CCDC178: variants seen among roughly 807,000 people sequenced by gnomAD.
The protein encoded by CCDC178 is coiled-coil domain-containing protein 178.
CCDC178 carries 126 observed loss-of-function variants against 117.4 expected under a neutral mutation model. That is an observed-to-expected ratio of 1.07 (90% CI 0.93 to 1.24). The LOEUF (loss-of-function observed/expected upper bound fraction) is 1.24. Ranked by LOEUF, CCDC178 falls within the 50% of genes most tolerant of loss-of-function variation. The pLI, the probability that CCDC178 is intolerant of heterozygous loss-of-function variation, is 0.00. For synonymous variants in CCDC178, 283 were observed against 313.4 expected (o/e 0.90, Z 1.02); for missense variants, 1,030 against 986.9 (o/e 1.04, Z -0.59).
rs7227335 is a variant in CCDC178, at chr18:33,258,505, T to C, written c.1409+8411A>G. Among the ~76,000 whole-genome samples, 739 of 152,298 alleles carry C rather than the reference T, an allele frequency of 4.9e-3. 5 individuals are homozygous for C. Among genetic ancestry groups the C allele is most frequent in the African/African-American group, 0.017 (707 of 41,572 alleles). On this transcript the variant is annotated intron_variant, in intron 14 of 22. Transcript: ENST00000383096. ...GAGTCCTCAACCCTGCCCTGGCCTG[T>C]CATTCTCTACCACATTATTCAGTTT...
chr18:33,097,638 C>T lies in CCDC178; in HGVS notation c.2239-4728G>A, dbSNP rs117045207. On this transcript the variant is annotated intron_variant, in intron 20 of 22. Coordinates refer to ENST00000383096, the MANE Select transcript of CCDC178 (RefSeq NM_001105528.4). ...CCTTAACCGTCCAATATATTCCCTT[C>T]GCAAACATGAGCCAGCACTTTTAAA... Among the ~76,000 whole-genome samples, 1,261 of 152,196 alleles carry T rather than the reference C, an allele frequency of 8.3e-3. 9 individuals carry two copies. The highest frequency in any genetic ancestry group is 0.011 in the Non-Finnish European group (740 of 67,998).
chr18:32,972,418 G>T (rs2054946680), intron 22 of CCDC178, among the ~76,000 whole-genome samples: 1 of 152,074 alleles, frequency 6.6e-6, no homozygotes, highest in African/African-American at 2.4e-5. Context: ...TTTGGTTATT[G>T]TAGCCTTGTA....
At chr18:33,006,141 G>A (rs1370164047) in intron 21 of CCDC178, among the ~76,000 whole-genome samples, 1 of 151,966 alleles carries the variant, frequency 6.6e-6, no homozygotes, top group South Asian at 2.1e-4. Flanking sequence ...GAATAAAATT[G>A]TTGACTCATT....
intron 21 of CCDC178, among the ~76,000 whole-genome samples, chr18:32,977,107 T>C (rs924727311): frequency 6.6e-6 from 1 of 152,164 alleles, no homozygotes; most frequent in African/African-American, 2.4e-5. Context: ...CATAGGTTGA[T>C]TGTATTCACA....
intron 21 of CCDC178, among the ~76,000 whole-genome samples, chr18:32,983,577 G>C (rs938564691): frequency 1.5e-4 from 23 of 152,010 alleles, no homozygotes; most frequent in African/African-American, 5.6e-4. Context: ...ATACGATAAA[G>C]GCCATCTGGA....
intron 11 of CCDC178, among the ~76,000 whole-genome samples, chr18:33,311,284 A>G (rs2062338520): frequency 6.6e-6 from 1 of 152,246 alleles, no homozygotes; most frequent in South Asian, 2.1e-4. Flanking sequence ...CTCAGAGCAC[A>G]TCAGACATTA....
At chr18:33,079,453 T>C (rs937553705) in intron 21 of CCDC178, among the ~76,000 whole-genome samples, 2 of 152,184 alleles carry the variant, frequency 1.3e-5, no homozygotes, top group Admixed American at 1.3e-4. Context: ...AAACAGCTTA[T>C]GCACAGCAAA....
chr18:33,434,834 CTAGATG>C (rs3048387), intron 2 of CCDC178, among the ~76,000 whole-genome samples: 18,890 of 152,014 alleles, frequency 0.12, 1,241 homozygotes, highest in East Asian at 0.19. Flanking sequence ...ACTTCAGAAT[CTAGATG>C]TAGGAGAAGG....
chr18:33,365,422 C>A lies in CCDC178; in HGVS notation c.348+4628G>T, dbSNP rs142274010. On this transcript the variant is annotated intron_variant, in intron 6 of 22. Transcript: ENST00000383096. Reference sequence around the variant, plus strand: ...TGCTTAGAGCTCGGATACACCTGGTCTGGATGCTGGCTCTGCCACTGACAT... The same window carrying A: ...TGCTTAGAGCTCGGATACACCTGGTATGGATGCTGGCTCTGCCACTGACAT... 2.9e-3 allele frequency among the ~76,000 whole-genome samples: 439 copies of A among 152,148 alleles called. 3 individuals carry two copies. The highest frequency in any genetic ancestry group is 0.01 in the African/African-American group (421 of 41,544).
chr18:33,273,441 TAAGATGAC>T (rs2059911451), intron 12 of CCDC178, among the ~76,000 whole-genome samples: 2 of 151,610 alleles, frequency 1.3e-5, no homozygotes, highest in South Asian at 4.1e-4. Flanking sequence ...TTAATATTAT[TAAGATGAC>T]AATGCTCTCC....
intron 21 of CCDC178, among the ~76,000 whole-genome samples, chr18:33,047,303 G>GT (rs2056662073): frequency 6.6e-6 from 1 of 152,128 alleles, no homozygotes. Flanking sequence ...AGTTGTTCTG[G>GT]TTTAAGTTCA....
At chr18:33,021,813 A>T (rs1349968802) in intron 21 of CCDC178, among the ~76,000 whole-genome samples, 1 of 152,146 alleles carries the variant, frequency 6.6e-6, no homozygotes, top group Non-Finnish European at 1.5e-5. Context: ...TTACAGTGCT[A>T]AATGCCACTG....
At chr18:32,965,610 C>T (rs547991684) in intron 22 of CCDC178, among the ~76,000 whole-genome samples, 78 of 151,840 alleles carry the variant, frequency 5.1e-4, no homozygotes, top group East Asian at 7.8e-4. Context: ...CCTTAGAACA[C>T]GCTTCTTGGT....
At chr18:33,421,790 CAG>C (rs1441596938) in intron 2 of CCDC178, among the ~76,000 whole-genome samples, 1 of 152,084 alleles carries the variant, frequency 6.6e-6, no homozygotes, top group Non-Finnish European at 1.5e-5. Context: ...GTTCTAGAAA[CAG>C]GGATATGAGA....
chr18:33,083,674 C>T (rs2057333035), intron 21 of CCDC178, among the ~76,000 whole-genome samples: 2 of 152,184 alleles, frequency 1.3e-5, no homozygotes, highest in African/African-American at 4.8e-5. Flanking sequence ...CCTGATTCTA[C>T]TAGAGAAGTT....
chr18:33,031,673 C>T (rs1286270288), intron 21 of CCDC178, among the ~76,000 whole-genome samples: 1 of 151,880 alleles, frequency 6.6e-6, no homozygotes, highest in Non-Finnish European at 1.5e-5. Context: ...GTTTTGTTTC[C>T]ATCCTCTTTC....
intron 3 of CCDC178, among the ~76,000 whole-genome samples, chr18:33,411,201 G>C (rs2063847652): frequency 6.6e-6 from 1 of 152,182 alleles, no homozygotes; most frequent in Admixed American, 6.5e-5. Context: ...CAGTGCAGCA[G>C]TGATAACTGA....
chr18:33,276,732 A>T (rs1278110107), intron 12 of CCDC178, among the ~76,000 whole-genome samples: 1 of 152,110 alleles, frequency 6.6e-6, no homozygotes, highest in Non-Finnish European at 1.5e-5. Flanking sequence ...TAAAAAGAAA[A>T]TTGGGGTGTG....
rs1471137967 is a variant in CCDC178, at chr18:33,128,993, C to T, written c.2239-36083G>A. Among the ~76,000 whole-genome samples, 4 of 152,050 alleles carry T rather than the reference C, an allele frequency of 2.6e-5. No homozygotes were observed. The South Asian group carries it at 8.3e-4, about 32-fold the overall frequency. On this transcript the variant is annotated intron_variant, in intron 20 of 22. Transcript: ENST00000383096. ...GTTTTATATCCCATAAGAATGAAACCGTTATGAGATAGTTAAGATTCATTA... is the reference window on the plus strand; with the variant it reads ...GTTTTATATCCCATAAGAATGAAACTGTTATGAGATAGTTAAGATTCATTA...
Sources: allele counts gnomAD v4.1 joint callset (sites outside exome capture counted in the v4.1 genomes callset), GRCh38; gene constraint gnomAD v4.1.1; transcripts MANE v1.5; gene names NCBI Gene and HGNC (gene_info 2026-07-23, HGNC 2026-07-21).